The following ARG2 variants were observed in gnomAD, a reference collection of about 807,000 sequenced individuals.
ARG2 encodes the protein arginase 2, also known as arginase-2, mitochondrial.
A neutral mutation model predicts 39.4 loss-of-function variants in ARG2; 21 were observed. That is an observed-to-expected ratio of 0.53 (90% CI 0.38 to 0.77). ARG2 has a LOEUF of 0.77. Ranked by LOEUF, ARG2 falls within the 30% of genes least tolerant of loss-of-function variation. ARG2 has a pLI of 0.00. For missense variants in ARG2, 378 were observed against 426.2 expected (o/e 0.89, Z 1.00); for synonymous variants, 150 against 156.7 (o/e 0.96, Z 0.32).
intron 2 of ARG2, among the ~76,000 whole-genome samples, chr14:67,631,430 CTTTCTTT>C (rs1423801072): frequency 5.8e-4 from 74 of 128,480 alleles, no homozygotes; most frequent in African/African-American, 2.3e-3. Flanking sequence ...TCCTTTCTTT[CTTTCTTT>C]TTTTTTTTTT....
intron 2 of ARG2, among the ~76,000 whole-genome samples, chr14:67,638,909 A>G (rs2037001195): frequency 6.6e-6 from 1 of 152,230 alleles, no homozygotes; most frequent in Non-Finnish European, 1.5e-5. Context: ...GCCCATATTA[A>G]GGCATGTGGG....
At chr14:67,633,258 G>A (rs1002915555) in intron 2 of ARG2, among the ~76,000 whole-genome samples, 16 of 152,056 alleles carry the variant, frequency 1.1e-4, no homozygotes, top group African/African-American at 3.9e-4. Context: ...TAAGACCTTT[G>A]TAGGTTCTCT....
chr14:67,622,497 C>T (rs1373399638), intron 2 of ARG2, among the ~76,000 whole-genome samples: 1 of 152,184 alleles, frequency 6.6e-6, no homozygotes, highest in African/African-American at 2.4e-5. Context: ...ACTAAGGCCT[C>T]TCTTAGTCAT....
Position 67,651,221 on chromosome 14 carries a change from T to TTTAAGTGGTTTTTCATCTTTC in ARG2, c.*302_*322dup. The TTTAAGTGGTTTTTCATCTTTC allele has an allele frequency of 4.4e-6, 6 of 1,368,536 alleles. No individual in the cohort carries two copies. Among genetic ancestry groups the TTTAAGTGGTTTTTCATCTTTC allele is most frequent in the Non-Finnish European group, 5.9e-6 (6 of 1,023,630 alleles). 84.8% of individuals were successfully genotyped at this position (1,368,536 alleles called of 1,614,324 possible). A position where few individuals can be genotyped will look rare whatever the true frequency, so the allele number is the denominator to read the frequency against. On this transcript the variant is annotated 3_prime_UTR_variant, in exon 8 of 8. Transcript: ENST00000261783. ...GTCTTGTTGCTGTTGTTCCTTCACA[T>TTTAAGTGGTTTTTCATCTTTC]TTAAGTGGTTTTTCATCTTTCCTCC...
intron 3 of ARG2, among the ~76,000 whole-genome samples, chr14:67,644,941 T>C (rs933211166): frequency 6.7e-6 from 1 of 150,176 alleles, no homozygotes; most frequent in Non-Finnish European, 1.5e-5. Context: ...GACGTTGTAG[T>C]GAGCTGAGAT....
At chr14:67,640,239 T>C (rs1363339607) in intron 2 of ARG2, among the ~76,000 whole-genome samples, 1 of 152,232 alleles carries the variant, frequency 6.6e-6, no homozygotes, top group African/African-American at 2.4e-5. Flanking sequence ...TTTATCTGGT[T>C]GTCTGGATCT....
chr14:67,619,992 C>T lies in ARG2; in HGVS notation c.15C>T (p.Gly5=), dbSNP rs765529449. 6.2e-7 allele frequency: 1 copy of T among 1,604,954 alleles called. No individual in the cohort carries two copies. Among genetic ancestry groups the T allele is most frequent in the South Asian group, 1.1e-5 (1 of 89,884 alleles). Residue 5 remains glycine, a synonymous_variant, in exon 1 of 8, where the codon GGC becomes GGT. Transcript: ENST00000261783. The part of the protein sequence containing the change: MSLR[G]SLSRLLQTRV... Reference sequence around the variant, plus strand: ...TGCTGCGGATCATGTCCCTAAGGGGCAGCCTCTCGCGTCTCCTCCAGACGC... The same window carrying T: ...TGCTGCGGATCATGTCCCTAAGGGGTAGCCTCTCGCGTCTCCTCCAGACGC...
At chr14:67,622,165 A>G (rs1486608992) in intron 2 of ARG2, among the ~76,000 whole-genome samples, 1 of 152,206 alleles carries the variant, frequency 6.6e-6, no homozygotes, top group Non-Finnish European at 1.5e-5. Context: ...GACTCTGTTC[A>G]AGGCCATTTG....
At chr14:67,648,759 C>T (rs12884807) in intron 7 of ARG2, 19,099 of 152,190 alleles carry the variant, frequency 0.13, 1,459 homozygotes, top group South Asian at 0.33. Flanking sequence ...TTTTCCAAAA[C>T]TCATACTTGT....
In ARG2 at chr14:67,646,530, C is replaced by T; in HGVS notation, c.523-114C>T. ...CAAGTGTGTCCTGTGTTGCTCTAAA[C>T]TTACCCTGTGGGTGGCAGAAGAAAG... On this transcript the variant is annotated intron_variant, in intron 4 of 7. Transcript: ENST00000261783. The T allele has an allele frequency of 9.9e-6, 8 of 806,014 alleles. No homozygotes were observed. In the South Asian group the frequency reaches 1.3e-4, roughly 13 times the overall value. The allele number at this position is 806,014 out of a possible 1,614,324, so 49.9% of individuals were successfully genotyped here. A position where few individuals can be genotyped will look rare whatever the true frequency, so the allele number is the denominator to read the frequency against.
At chr14:67,636,953 TAGAG>T (rs1379004505) in intron 2 of ARG2, among the ~76,000 whole-genome samples, 1 of 152,108 alleles carries the variant, frequency 6.6e-6, no homozygotes, top group East Asian at 1.9e-4. Context: ...GATGCACAGT[TAGAG>T]AAAGGGAAAG....
chr14:67,644,340 G>A (rs189716390), intron 3 of ARG2, among the ~76,000 whole-genome samples: 1 of 152,212 alleles, frequency 6.6e-6, no homozygotes. Flanking sequence ...TCACAGAAAA[G>A]GAAACTGAAA....
chr14:67,639,600 G>C (rs903026225), intron 2 of ARG2, among the ~76,000 whole-genome samples: 4 of 152,062 alleles, frequency 2.6e-5, no homozygotes, highest in African/African-American at 9.7e-5. Context: ...GGTGAAAGTA[G>C]AAACATCCAG....
rs1594832329 is a variant in ARG2, at chr14:67,651,099, T to C, written c.*179T>C. On this transcript the variant is annotated 3_prime_UTR_variant, in exon 8 of 8. Transcript: ENST00000261783. The stretch of plus-strand genomic sequence containing the variant: ...GTGACCAATACTACTGTAAATGTAT[T>C]TGGTTTTTTGCAGTTCACAGGGTAT... 2 of 919,488 alleles carry C rather than the reference T, an allele frequency of 2.2e-6. No individual in the cohort carries two copies. Among genetic ancestry groups the C allele is most frequent in the East Asian group, 5.3e-5 (2 of 37,860 alleles). The allele number at this position is 919,488 out of a possible 1,614,324, so 57.0% of individuals were successfully genotyped here.
At chr14:67,642,487 T>A in intron 3 of ARG2, 124 bp downstream of exon 3, 1 of 1,125,192 alleles carries the variant, frequency 8.9e-7, no homozygotes, top group Non-Finnish European at 1.3e-6. Context: ...GGGTAGATAT[T>A]AAAATGAACA....
At chr14:67,632,970 G>A (rs527660121) in intron 2 of ARG2, among the ~76,000 whole-genome samples, 120 of 151,464 alleles carry the variant, frequency 7.9e-4, no homozygotes, top group African/African-American at 2.8e-3. Context: ...ACAGGCGCCC[G>A]CCACCACGCC....
intron 2 of ARG2, among the ~76,000 whole-genome samples, chr14:67,639,956 G>T (rs2037013443): frequency 6.8e-6 from 1 of 147,712 alleles, no homozygotes; most frequent in African/African-American, 2.5e-5. Context: ...AAAAGTCTGT[G>T]CAGTCCAGGA....
intron 2 of ARG2, 123 bp downstream of exon 2, chr14:67,621,089 C>A: frequency 1.1e-6 from 1 of 891,368 alleles, no homozygotes; most frequent in Non-Finnish European, 1.8e-6. Flanking sequence ...ATCCCGCATC[C>A]TCCTTTGGAT....
At chr14:67,633,958 A>C (rs1031193077) in intron 2 of ARG2, among the ~76,000 whole-genome samples, 5 of 152,154 alleles carry the variant, frequency 3.3e-5, no homozygotes, top group African/African-American at 4.8e-5. Context: ...CATCTGGTTC[A>C]TAGCAATTAG....
Sources: gnomAD v4.1 joint callset for allele counts (sites outside exome capture counted in the v4.1 genomes callset) on GRCh38, gnomAD v4.1.1 for gene constraint, MANE v1.5 for transcripts, NCBI Gene and HGNC (gene_info 2026-07-23, HGNC 2026-07-21) for gene names.